MIDEAS: variants seen among roughly 807,000 people sequenced by gnomAD.
MIDEAS encodes mitotic deacetylase associated SANT domain protein.
In MIDEAS, 26 loss-of-function variants were observed where a neutral mutation model predicts 102.7. That is an observed-to-expected ratio of 0.25 (90% CI 0.19 to 0.35). The LOEUF is 0.35. Ranked by LOEUF, MIDEAS falls within the 10% of genes least tolerant of loss-of-function variation. The probability of loss-of-function intolerance (pLI) is 1.00; values close to 1 mark genes in which losing one functional copy is unlikely to be tolerated. For synonymous variants in MIDEAS, 585 were observed against 591.0 expected, an observed-to-expected ratio of 0.99 and a Z score of 0.15; for missense variants, 1,231 against 1,435.6, an observed-to-expected ratio of 0.86 and a Z score of 2.30.
chr14:73,755,724 T>C (rs1316316777), intron 1 of MIDEAS, among the ~76,000 whole-genome samples: 1 of 152,182 alleles, frequency 6.6e-6, no homozygotes, highest in Non-Finnish European at 1.5e-5. Flanking sequence ...GTGGAGTGGA[T>C]CAAGCTGTTG....
Position 73,717,090 on chromosome 14 carries a change from T to C in MIDEAS, c.*1753A>G, listed in dbSNP as rs2052903334. 6.6e-6 allele frequency: 1 copy of C among 152,268 alleles called. No homozygotes were observed. The highest frequency in any genetic ancestry group is 1.5e-5 in the Non-Finnish European group (1 of 68,034). 9.4% of individuals were successfully genotyped at this position (152,268 alleles called of 1,614,324 possible). On this transcript the variant is annotated 3_prime_UTR_variant, in exon 13 of 13. Transcript: ENST00000423556. ...CTGGGGTCCTGTAGAACCATACTAA[T>C]GTACAAATGGATGCTGAAAAATACC...
At chr14:73,782,086 G>A (rs192916076) in intron 1 of MIDEAS, among the ~76,000 whole-genome samples, 9 of 152,126 alleles carry the variant, frequency 5.9e-5, no homozygotes, top group African/African-American at 2.2e-4. Context: ...AAAACAAAAC[G>A]TTAAAAGAAT....
chr14:73,747,434 C>T (rs1307658196), intron 1 of MIDEAS, among the ~76,000 whole-genome samples: 1 of 152,092 alleles, frequency 6.6e-6, no homozygotes, highest in African/African-American at 2.4e-5. Context: ...GCCGAATATG[C>T]GAGAGTACTG....
rs2053044395 is a variant in MIDEAS at position 73,725,216 on chromosome 14, A to G, written c.2574+56T>C. On this transcript the variant is annotated intron_variant, in intron 9 of 12. Transcript: ENST00000423556. The surrounding 1 kb of genome is among the most constrained non-coding windows in gnomAD (Gnocchi z 4.1). ...ATTGGTCACTGGCAGAGGGAGCCCC[A>G]AAGTCACACAGGCAGCTCCTGGCCC... 2.7e-6 allele frequency: 4 copies of G among 1,465,820 alleles called. No homozygotes were observed. Among genetic ancestry groups the G allele is most frequent in the Middle Eastern group, 1.7e-4 (1 of 5,742 alleles). The allele number at this position is 1,465,820 out of a possible 1,614,324, so 90.8% of individuals were successfully genotyped here.
chr14:73,723,861 T>G (rs1281678195), intron 9 of MIDEAS: 1 of 152,172 alleles, frequency 6.6e-6, no homozygotes, highest in Admixed American at 6.5e-5. Context: ...ACAATTTCAT[T>G]TCTCTCCAGG....
In MIDEAS at chr14:73,738,682, C is replaced by G. The variant is rs1390402142; in HGVS notation, c.1327G>C (p.Gly443Arg). The G allele has an allele frequency of 1.9e-6, 3 of 1,613,760 alleles. No homozygotes were observed. Among genetic ancestry groups the G allele is most frequent in the Non-Finnish European group, 2.5e-6 (3 of 1,179,950 alleles). Reference protein sequence around the residue: ...GMRAVSTGDCGQVLRGGVIQS... With the variant: ...GMRAVSTGDCRQVLRGGVIQS... ...ATCACTCCGCCCCGTAGCACCTGCC[C>G]ACAGTCCCCTGTGCTCACTGCCCTC... Residue 443 changes from glycine (G) to arginine (R), a missense_variant, in exon 2 of 13, where the codon GGG becomes CGG. Around this residue, in one of 5 missense-constraint regions of MIDEAS, gnomAD observed 758 missense variants for 856.0 expected, o/e 0.89. Coordinates refer to ENST00000423556, the MANE Select transcript of MIDEAS (RefSeq NM_001367710.1).
intron 12 of MIDEAS, 83 bp downstream of exon 12, chr14:73,719,222 T>TCCCCCGGCCCCCCCCCCCC: frequency 6.7e-7 from 1 of 1,497,120 alleles, no homozygotes; most frequent in Non-Finnish European, 8.9e-7. Context: ...CTGTACCTCT[T>TCCCCCGGCCCCCCCCCCCC]CCCCCTCCCC....
chr14:73,727,648 C>T lies in MIDEAS; in HGVS notation c.2096-124G>A, dbSNP rs928489975. The T allele has an allele frequency of 1.2e-5, 11 of 896,968 alleles. No homozygotes were observed. In the African/African-American group the frequency reaches 1.6e-4, roughly 13 times the overall value. 55.6% of individuals were successfully genotyped at this position (896,968 alleles called of 1,614,324 possible). ...ACACACAGAGCTCACGCAGGGAACA[C>T]AGGCACCTGAGTCCTGGCTCTGCAG... is the stretch of plus-strand genomic sequence containing the variant. On this transcript the variant is annotated intron_variant, in intron 4 of 12. Coordinates refer to ENST00000423556, the MANE Select transcript of MIDEAS (RefSeq NM_001367710.1).
intron 1 of MIDEAS, among the ~76,000 whole-genome samples, chr14:73,741,988 C>A (rs2053287054): frequency 6.6e-6 from 1 of 152,202 alleles, no homozygotes; most frequent in African/African-American, 2.4e-5. Flanking sequence ...AACAACCTTT[C>A]TCTTGCTTTT....
At chr14:73,726,735 G>A (rs1261301337) in intron 6 of MIDEAS, 28 bp from the exon 7 acceptor site, 5 of 1,613,850 alleles carry the variant, frequency 3.1e-6, no homozygotes, top group South Asian at 1.1e-5. Flanking sequence ...TGAGGAGGGA[G>A]GGGAGGAAAC....
chr14:73,769,225 G>A (rs947190974), intron 1 of MIDEAS, among the ~76,000 whole-genome samples: 4 of 152,208 alleles, frequency 2.6e-5, no homozygotes. Flanking sequence ...GTGTGGAGAT[G>A]AGTGAGACAA....
chr14:73,757,988 T>C (rs2053505880), intron 1 of MIDEAS, among the ~76,000 whole-genome samples: 1 of 152,162 alleles, frequency 6.6e-6, no homozygotes, highest in Non-Finnish European at 1.5e-5. Context: ...GAGGCCACAC[T>C]GGCAGTGGCT....
chr14:73,734,336 T>A (rs1260056146), intron 3 of MIDEAS, among the ~76,000 whole-genome samples: 5 of 152,242 alleles, frequency 3.3e-5, no homozygotes, highest in African/African-American at 1.2e-4. Flanking sequence ...AGCTAAGTCC[T>A]GATGTCATTA....
At chr14:73,731,904 G>C (rs910742322) in intron 3 of MIDEAS, among the ~76,000 whole-genome samples, 1 of 152,172 alleles carries the variant, frequency 6.6e-6, no homozygotes, top group African/African-American at 2.4e-5. Flanking sequence ...AATAAATAAT[G>C]AATGAAATAA....
intron 1 of MIDEAS, among the ~76,000 whole-genome samples, chr14:73,768,182 T>TA (rs1566607125): frequency 6.6e-6 from 1 of 151,874 alleles, no homozygotes; most frequent in Non-Finnish European, 1.5e-5. Context: ...AATTAAAAAA[T>TA]AAAAAATACA....
intron 3 of MIDEAS, among the ~76,000 whole-genome samples, chr14:73,732,601 C>A (rs770384759): frequency 2.6e-5 from 4 of 152,024 alleles, no homozygotes; most frequent in African/African-American, 4.8e-5. Flanking sequence ...GCCTGGCCAA[C>A]ATGGCAAAAC....
chr14:73,756,291 T>TGC (rs769614163), intron 1 of MIDEAS, among the ~76,000 whole-genome samples: 1,367 of 75,794 alleles, frequency 0.018, 10 homozygotes, highest in Non-Finnish European at 0.026. Flanking sequence ...TGTGTGTGTG[T>TGC]GTGTGCGCGC....
chr14:73,731,511 A>T (rs1279334495), intron 3 of MIDEAS, among the ~76,000 whole-genome samples: 1 of 152,198 alleles, frequency 6.6e-6, no homozygotes, highest in East Asian at 1.9e-4. Context: ...GGCCCCCCAA[A>T]CTTTCTTGAC....
At chr14:73,726,455 T>C (rs1434234070) in intron 7 of MIDEAS, 149 bp downstream of exon 7, 1 of 742,746 alleles carries the variant, frequency 1.3e-6, no homozygotes, top group Non-Finnish European at 2.2e-6. Flanking sequence ...AGGGCTCCCT[T>C]GGGTCAAGCC....
Sources: gnomAD v4.1 joint callset for allele counts (sites outside exome capture counted in the v4.1 genomes callset) on GRCh38, gnomAD v4.1.1 for gene constraint, gnomAD v4.1.1 regional missense constraint, Gnocchi (gnomAD v3.1) non-coding constraint, MANE v1.5 for transcripts, NCBI Gene and HGNC (gene_info 2026-07-23, HGNC 2026-07-21) for gene names.